The following SLC25A26 variants were observed in gnomAD, a reference collection of about 807,000 sequenced individuals.
SLC25A26 encodes mitochondrial S-adenosylmethionine carrier protein.
In SLC25A26, 36 loss-of-function variants were observed where a neutral mutation model predicts 37.8. The observed-to-expected ratio is 0.95, with a 90% CI of 0.73 to 1.26. The LOEUF (loss-of-function observed/expected upper bound fraction) is 1.26. SLC25A26 is among the 50% of genes most tolerant of loss of function. The probability of loss-of-function intolerance (pLI) is 0.00; values close to 1 mark genes in which losing one functional copy is unlikely to be tolerated. For synonymous variants in SLC25A26, 129 were observed against 122.5 expected (o/e 1.05, Z -0.35); for missense variants, 390 against 331.1 (o/e 1.18, Z -1.38).
intron 3 of SLC25A26, among the ~76,000 whole-genome samples, chr3:66,244,299 G>A (rs950567331): frequency 6.6e-6 from 1 of 152,192 alleles, no homozygotes; most frequent in African/African-American, 2.4e-5. Flanking sequence ...GCCCGAACCT[G>A]CACTGAATAA....
intron 5 of SLC25A26, among the ~76,000 whole-genome samples, chr3:66,312,194 TGAGGCAGTCTAGA>T (rs1263963652): frequency 1.3e-5 from 2 of 152,182 alleles, no homozygotes; most frequent in African/African-American, 4.8e-5. Context: ...CCCTGCCCAG[TGAGGCAGTCTAGA>T]GAGGCAGTCT....
intron 5 of SLC25A26, among the ~76,000 whole-genome samples, chr3:66,318,314 G>A (rs1314023897): frequency 6.6e-6 from 1 of 152,194 alleles, no homozygotes; most frequent in Non-Finnish European, 1.5e-5. Flanking sequence ...ATGGGCTCAT[G>A]AGGGGGACCT....
exon 1 of SLC25A26, chr3:66,133,736 A>G (rs544678393): frequency 6.6e-6 from 1 of 152,340 alleles, no homozygotes; most frequent in South Asian, 2.1e-4. Flanking sequence ...GGCAGTTAGA[A>G]TTATATTGAG....
In SLC25A26 at chr3:66,306,719, A is replaced by G. The variant is rs893739797; in HGVS notation, c.454-39645A>G. On this transcript the variant is annotated intron_variant, in intron 5 of 9. Coordinates refer to ENST00000354883, the MANE Select transcript of SLC25A26 (RefSeq NM_001379210.1). ...CCCCTCCCTGGGTCCATGTGTTCTC[A>G]TTGTTCACCTCCCACTTATGAGCAA... is the stretch of plus-strand genomic sequence containing the variant. 6.6e-5 allele frequency among the ~76,000 whole-genome samples: 10 copies of G among 151,804 alleles called. 1 individual carries two copies. The highest frequency in any genetic ancestry group is 2.9e-5 in the Non-Finnish European group (2 of 67,974).
rs1218241097 is a variant in SLC25A26 at position 66,371,434 on chromosome 3, G to A, written c.707+832G>A. 2.8e-6 allele frequency: 4 copies of A among 1,413,442 alleles called. No individual in the cohort carries two copies. In the Admixed American group the frequency reaches 1.2e-4, roughly 41 times the overall value. The allele number at this position is 1,413,442 out of a possible 1,614,324, so 87.6% of individuals were successfully genotyped here. On this transcript the variant is annotated intron_variant, in intron 9 of 9. Coordinates refer to ENST00000354883, the MANE Select transcript of SLC25A26 (RefSeq NM_001379210.1). ...AGTAGGTGAGTCAGGACCCAGTTAA[G>A]GTTTTTATAGGAGAGCAGCACATCC... is the stretch of plus-strand genomic sequence containing the variant.
chr3:66,203,846 C>T, intron 1 of SLC25A26, among the ~76,000 whole-genome samples: 1 of 152,280 alleles, frequency 6.6e-6, no homozygotes, highest in South Asian at 2.1e-4. Flanking sequence ...TATAGGATTA[C>T]TTTGAGTTCA....
intron 1 of SLC25A26, among the ~76,000 whole-genome samples, chr3:66,173,602 T>C (rs955278898): frequency 6.6e-6 from 1 of 152,246 alleles, no homozygotes; most frequent in African/African-American, 2.4e-5. Flanking sequence ...TAAACTTCCT[T>C]TCCCCTCCTT....
chr3:66,327,258 C>T (rs2075861202), intron 5 of SLC25A26, among the ~76,000 whole-genome samples: 1 of 152,082 alleles, frequency 6.6e-6, no homozygotes, highest in Non-Finnish European at 1.5e-5. Context: ...CAAAGAAAGG[C>T]CGTTAATATT....
intron 9 of SLC25A26, among the ~76,000 whole-genome samples, chr3:66,372,412 A>T (rs1349063070): frequency 6.6e-6 from 1 of 152,164 alleles, no homozygotes; most frequent in Non-Finnish European, 1.5e-5. Context: ...TGAGTAGATG[A>T]TTGAAGATAG....
intron 5 of SLC25A26, among the ~76,000 whole-genome samples, chr3:66,282,630 A>G (rs2074384126): frequency 6.6e-6 from 1 of 152,224 alleles, no homozygotes; most frequent in Non-Finnish European, 1.5e-5. Flanking sequence ...GGGCAGAAAA[A>G]AAAATTAAAT....
intron 3 of SLC25A26, among the ~76,000 whole-genome samples, chr3:66,251,010 C>CA (rs2073063057): frequency 6.6e-6 from 1 of 152,006 alleles, no homozygotes; most frequent in African/African-American, 2.4e-5. Context: ...AGTTATAGTA[C>CA]AATTTTATTA....
At chr3:66,343,940 C>A (rs1300887217) in intron 5 of SLC25A26, among the ~76,000 whole-genome samples, 1 of 152,076 alleles carries the variant, frequency 6.6e-6, no homozygotes, top group African/African-American at 2.4e-5. Context: ...CAATAAAAAA[C>A]TCTATTTAAC....
chr3:66,232,980 G>A (rs1407908199), intron 1 of SLC25A26, among the ~76,000 whole-genome samples: 2 of 152,226 alleles, frequency 1.3e-5, no homozygotes, highest in African/African-American at 4.8e-5. Flanking sequence ...GTCATGGGTG[G>A]CAACTTCATG....
At chr3:66,367,707 C>CAG (rs71616221) in intron 7 of SLC25A26, among the ~76,000 whole-genome samples, 9,436 of 136,806 alleles carry the variant, frequency 0.069, 357 homozygotes, top group South Asian at 0.11. Flanking sequence ...CAGACAGACA[C>CAG]AGAGAGAGAG....
chr3:66,208,389 T>A (rs1331494151), intron 1 of SLC25A26, among the ~76,000 whole-genome samples: 2 of 151,956 alleles, frequency 1.3e-5, no homozygotes, highest in African/African-American at 4.8e-5. Flanking sequence ...GGCAGGCCAA[T>A]GTCAGTGAAC....
chr3:66,272,981 T>A (rs893374262), intron 5 of SLC25A26, among the ~76,000 whole-genome samples: 2 of 152,186 alleles, frequency 1.3e-5, no homozygotes, highest in African/African-American at 4.8e-5. Context: ...ATACCTAATT[T>A]ATTGAGAGTT....
rs559806635 is a variant in SLC25A26 at position 66,349,597 on chromosome 3, A to C, written c.498+3189A>C. On this transcript the variant is annotated intron_variant, in intron 6 of 9. Coordinates refer to ENST00000354883, the MANE Select transcript of SLC25A26 (RefSeq NM_001379210.1). ...TGTATGGATATGCTACAATTTATTC[A>C]CTAGTTTATATACATTGAGTTGTTT... Among the ~76,000 whole-genome samples, 10 of 152,074 alleles carry C rather than the reference A, an allele frequency of 6.6e-5. No individual in the cohort carries two copies. The South Asian group carries it at 2.1e-3, about 32-fold the overall frequency.
At chr3:66,209,988 A>G (rs1463235100) in intron 1 of SLC25A26, among the ~76,000 whole-genome samples, 5 of 126,222 alleles carry the variant, frequency 4.0e-5, no homozygotes, top group South Asian at 2.7e-4. Flanking sequence ...GAAGATGTCT[A>G]TAGCAATACC....
intron 3 of SLC25A26, among the ~76,000 whole-genome samples, chr3:66,248,205 A>G (rs993722221): frequency 2.0e-5 from 3 of 152,240 alleles, no homozygotes; most frequent in African/African-American, 4.8e-5. Flanking sequence ...AAACTTAATG[A>G]TGAATCAGTG....
Sources: allele counts gnomAD v4.1 joint callset (sites outside exome capture counted in the v4.1 genomes callset), GRCh38; gene constraint gnomAD v4.1.1; transcripts MANE v1.5; gene names NCBI Gene and HGNC (gene_info 2026-07-23, HGNC 2026-07-21).